The following SMO variants were observed in gnomAD, a reference collection of about 807,000 sequenced individuals.
SMO encodes the protein protein smoothened.
A neutral mutation model predicts 81.6 loss-of-function variants in SMO; 40 were observed. That is an observed-to-expected ratio of 0.49 (90% confidence interval 0.38 to 0.64). The LOEUF (loss-of-function observed/expected upper bound fraction) is 0.64, where lower values mean the gene tolerates loss of function less well. SMO is among the 30% of genes least tolerant of loss of function. The probability of loss-of-function intolerance (pLI) is 0.00; values close to 1 mark genes in which losing one functional copy is unlikely to be tolerated. For synonymous variants in SMO, 434 were observed against 432.1 expected, an observed-to-expected ratio of 1.00 and a Z score of -0.05; for missense variants, 916 against 1,061.1, an observed-to-expected ratio of 0.86 and a Z score of 1.90.
chr7:129,204,473 C>A (rs199759293), intron 2 of SMO, among the ~76,000 whole-genome samples: 1 of 151,632 alleles, frequency 6.6e-6, no homozygotes, highest in Non-Finnish European at 1.5e-5. Flanking sequence ...GGTGAAACTC[C>A]GTCTCTACTA....
chr7:129,204,571 G>A (rs908257241), intron 2 of SMO, among the ~76,000 whole-genome samples: 9 of 152,052 alleles, frequency 5.9e-5, no homozygotes, highest in African/African-American at 1.9e-4. Flanking sequence ...GCTTGAACCC[G>A]GGAGGTGGAG....
At chr7:129,193,785 A>AATATATATATATAT (rs71526088) in intron 1 of SMO, among the ~76,000 whole-genome samples, 27 of 26,356 alleles carry the variant, frequency 1.0e-3, no homozygotes, top group South Asian at 4.1e-3. Flanking sequence ...AAAAAAAAAA[A>AATATATATATATAT]ATATATATAT....
At chr7:129,202,944 C>T (rs150399091) in intron 1 of SMO, among the ~76,000 whole-genome samples, 172 of 152,304 alleles carry the variant, frequency 1.1e-3, no homozygotes, top group African/African-American at 4.0e-3. Context: ...CAGAATAGCG[C>T]ACAGATCATG....
rs71526088 is a variant in SMO, at chr7:129,193,785, AATATATATATATAT to A, written c.331+4322_331+4335del. 9.9e-4 allele frequency among the ~76,000 whole-genome samples: 26 copies of A among 26,356 alleles called. 1 individual carries two copies. Among genetic ancestry groups the A allele is most frequent in the African/African-American group, 2.9e-3 (17 of 5,906 alleles). The allele number at this position is 26,356 out of a possible 152,430, so 17.3% of individuals were successfully genotyped here. A position where few individuals can be genotyped will look rare whatever the true frequency, so the allele number is the denominator to read the frequency against. On this transcript the variant is annotated intron_variant, in intron 1 of 11. Transcript: ENST00000249373. ...AAAAAAAAAAAAAAAAAAAAAAAAA[AATATATATATATAT>A]ATATATATATATATATATGTATAGG...
rs570242755 is a variant in SMO, at chr7:129,189,198, GGCT to G, written c.67_69del (p.Leu23del). ...CGGGGGCCGGAGCTCCCGCTCCTGG[GGCT>G]GCTGCTGCTGCTGCTGCTGGGGGAC... On this transcript the variant is annotated inframe_deletion, in exon 1 of 12. Coordinates refer to ENST00000249373, the MANE Select transcript of SMO (RefSeq NM_005631.5). This position sits in a 1 kb window ranked among gnomAD's most constrained non-coding sequence, Gnocchi z 4.7. 1,963 of 1,137,570 alleles carry G rather than the reference GGCT, an allele frequency of 1.7e-3. No individual in the cohort carries two copies. Among genetic ancestry groups the G allele is most frequent in the South Asian group, 2.6e-3 (61 of 23,616 alleles). The allele number at this position is 1,137,570 out of a possible 1,614,324, so 70.5% of individuals were successfully genotyped here.
At position 129,189,189 on chromosome 7, in the gene SMO, C is replaced by G. The variant is rs1159103336; in HGVS notation, c.38C>G (p.Pro13Arg). Residue 13 changes from proline (P) to arginine (R), a missense_variant, in exon 1 of 12, where the codon CCG becomes CGG. This residue lies in a region of SMO where 146 missense variants were observed against 149.9 expected (regional missense o/e 0.97). Coordinates refer to ENST00000249373, the MANE Select transcript of SMO (RefSeq NM_005631.5). This position sits in a 1 kb window ranked among gnomAD's most constrained non-coding sequence, Gnocchi z 4.7. ...CGCCCAGCGCGGGGGCCGGAGCTCC[C>G]GCTCCTGGGGCTGCTGCTGCTGCTG... ...AARPARGPEL[P>R]LLGLLLLLLL... The G allele has an allele frequency of 1.7e-6, 2 of 1,164,348 alleles. No homozygotes were observed. Among genetic ancestry groups the G allele is most frequent in the East Asian group, 3.3e-5 (1 of 29,988 alleles). The allele number at this position is 1,164,348 out of a possible 1,614,324, so 72.1% of individuals were successfully genotyped here. A position where few individuals can be genotyped will look rare whatever the true frequency, so the allele number is the denominator to read the frequency against.
chr7:129,197,959 A>T (rs1250362078), intron 1 of SMO, among the ~76,000 whole-genome samples: 1 of 152,164 alleles, frequency 6.6e-6, no homozygotes, highest in Non-Finnish European at 1.5e-5. Flanking sequence ...TTCATATTTT[A>T]TTAAAATAAA....
At position 129,205,748 on chromosome 7, in the gene SMO, C is replaced by G. The variant is rs372843274; in HGVS notation, c.886C>G (p.Arg296Gly). The change falls in exon 4 of 12, where the codon CGT (arginine) becomes GGT (glycine). Residue 296 changes from arginine (R) to glycine (G), a missense_variant. Physicochemically the swap from Arg to Gly is moderately radical, Grantham distance 125. Around this residue, in one of 4 missense-constraint regions of SMO, gnomAD observed 436 missense variants for 570.9 expected, o/e 0.76. Coordinates refer to ENST00000249373, the MANE Select transcript of SMO (RefSeq NM_005631.5). The part of the protein sequence containing the change: ...MDGARREIVC[R>G]ADGTMRLGEP... ...TGGTGCCCGCCGAGAGATCGTCTGC[C>G]GTGCAGATGGCACCATGAGGCTTGG... The G allele has an allele frequency of 6.2e-7, 1 of 1,609,676 alleles. No homozygotes were observed. Among genetic ancestry groups the G allele is most frequent in the Non-Finnish European group, 8.5e-7 (1 of 1,179,958 alleles).
At chr7:129,194,137 T>TAC (rs1290099104) in intron 1 of SMO, among the ~76,000 whole-genome samples, 9 of 151,508 alleles carry the variant, frequency 5.9e-5, no homozygotes, top group East Asian at 1.9e-4. Flanking sequence ...TGTGTATGTA[T>TAC]ACACACACAC....
At chr7:129,190,086 T>G in intron 1 of SMO, among the ~76,000 whole-genome samples, 1 of 152,150 alleles carries the variant, frequency 6.6e-6, no homozygotes, top group East Asian at 1.9e-4. Context: ...CACGGGAGAT[T>G]TCATTCAGTT....
At chr7:129,205,838 G>T (rs944404833) in intron 4 of SMO, 56 bp downstream of exon 4, 8 of 1,529,116 alleles carry the variant, frequency 5.2e-6, no homozygotes, top group Non-Finnish European at 7.1e-6. Context: ...TGAAGTGTGC[G>T]TTTACCCCAA....
rs1793771742 is a variant in SMO at position 129,206,685 on chromosome 7, A to C, written c.1264+98A>C. On this transcript the variant is annotated intron_variant, in intron 6 of 11. Coordinates refer to ENST00000249373, the MANE Select transcript of SMO (RefSeq NM_005631.5). This position sits in a 1 kb window ranked among gnomAD's most constrained non-coding sequence, Gnocchi z 4.4. Reference sequence around the variant, plus strand: ...GCCAGCACGGCTGCCCCCATGCTGAAACCCCAGCTAGCTCCTATAGGGCCT... The same window carrying C: ...GCCAGCACGGCTGCCCCCATGCTGACACCCCAGCTAGCTCCTATAGGGCCT... The C allele has an allele frequency of 7.5e-7, 1 of 1,335,538 alleles. No individual in the cohort carries two copies. The highest frequency in any genetic ancestry group is 1.0e-6 in the Non-Finnish European group (1 of 963,066). 82.7% of individuals were successfully genotyped at this position (1,335,538 alleles called of 1,614,324 possible). A position where few individuals can be genotyped will look rare whatever the true frequency, so the allele number is the denominator to read the frequency against.
chr7:129,201,661 CTG>C (rs989121312), intron 1 of SMO, among the ~76,000 whole-genome samples: 1 of 151,958 alleles, frequency 6.6e-6, no homozygotes, highest in Non-Finnish European at 1.5e-5. Flanking sequence ...TTTCTGGTGA[CTG>C]TTTTTGGGTT....
At position 129,205,403 on chromosome 7, in the gene SMO, C is replaced by T. The variant is rs1793747280; in HGVS notation, c.738C>T (p.Leu246=). The part of the protein sequence containing the change: ...AFGAVTGLCT[L]FTLATFVADW... ...GGGCCGTCACGGGCCTCTGCACGCTCTTCACCCTGGTCAGCCGCGGGAGGG... is the reference window on the plus strand; with the variant it reads ...GGGCCGTCACGGGCCTCTGCACGCTTTTCACCCTGGTCAGCCGCGGGAGGG... Residue 246 remains leucine (L), a synonymous_variant, in exon 3 of 12, where the codon CTC becomes CTT. Coordinates refer to ENST00000249373, the MANE Select transcript of SMO (RefSeq NM_005631.5). 1.2e-6 allele frequency: 2 copies of T among 1,609,806 alleles called. No homozygotes were observed. The highest frequency in any genetic ancestry group is 1.7e-6 in the Non-Finnish European group (2 of 1,177,992).
Position 129,211,028 on chromosome 7 carries a change from C to G in SMO, c.1716C>G (p.Ala572=), listed in dbSNP as rs2150654677. The G allele has an allele frequency of 6.2e-7, 1 of 1,614,046 alleles. No individual in the cohort carries two copies. The highest frequency in any genetic ancestry group is 1.3e-5 in the African/African-American group (1 of 75,062). ...RIKKSKMIAK[A]FSKRHELLQN... is the part of the protein sequence containing the mutation. ...AGAAGAGCAAGATGATTGCCAAGGC[C>G]TTCTCTAAGCGGCACGAGCTCCTGC... Residue 572 remains alanine, a synonymous_variant, in exon 10 of 12, where the codon GCC becomes GCG. Transcript: ENST00000249373. This position sits in a 1 kb window ranked among gnomAD's most constrained non-coding sequence, Gnocchi z 4.6.
In SMO at chr7:129,213,434, CAT is replaced by C; in HGVS notation, c.*984_*985del. On this transcript the variant is annotated 3_prime_UTR_variant, in exon 12 of 12. Transcript: ENST00000249373. ...ATTCCCACCTTCCATAGCCTCCAAACATGTTCCCAAGGCCCCACTTTCAAGAA... is the reference window on the plus strand; with the variant it reads ...ATTCCCACCTTCCATAGCCTCCAAACGTTCCCAAGGCCCCACTTTCAAGAA... 1 of 233,180 alleles carries C rather than the reference CAT, an allele frequency of 4.3e-6. No homozygotes were observed. The highest frequency in any genetic ancestry group is 8.5e-6 in the Non-Finnish European group (1 of 117,778). The allele number at this position is 233,180 out of a possible 1,614,324, so 14.4% of individuals were successfully genotyped here.
chr7:129,207,897 G>A (rs994036131), intron 6 of SMO, among the ~76,000 whole-genome samples: 4 of 149,950 alleles, frequency 2.7e-5, no homozygotes, highest in Admixed American at 6.7e-5. Flanking sequence ...TGTCTCCAAA[G>A]AAAACAAGAC....
intron 2 of SMO, 104 bp from the exon 3 acceptor site, chr7:129,205,099 G>A: frequency 2.1e-6 from 2 of 952,926 alleles, no homozygotes; most frequent in South Asian, 1.4e-5. Context: ...GGTCCTGGAA[G>A]TGTATCTCCA....
Position 129,206,111 on chromosome 7 carries a change from G to C in SMO, c.921-39G>C, listed in dbSNP as rs540004196. On this transcript the variant is annotated intron_variant, in intron 4 of 11. Transcript: ENST00000249373. The surrounding 1 kb of genome is among the most constrained non-coding windows in gnomAD (Gnocchi z 4.4). ...GGGGAGACCAGGTAGAGGGAGTACAGAGTGACCGCCTCAAGTGACACCTCA... is the reference window on the plus strand; with the variant it reads ...GGGGAGACCAGGTAGAGGGAGTACACAGTGACCGCCTCAAGTGACACCTCA... 6.8e-7 allele frequency: 1 copy of C among 1,480,544 alleles called. No individual in the cohort carries two copies. The highest frequency in any genetic ancestry group is 1.8e-5 in the Admixed American group (1 of 56,110). 91.7% of individuals were successfully genotyped at this position (1,480,544 alleles called of 1,614,324 possible). A position where few individuals can be genotyped will look rare whatever the true frequency, so the allele number is the denominator to read the frequency against.
Sources: gnomAD v4.1 joint callset for allele counts (sites outside exome capture counted in the v4.1 genomes callset) on GRCh38, gnomAD v4.1.1 for gene constraint, gnomAD v4.1.1 regional missense constraint, Gnocchi (gnomAD v3.1) non-coding constraint, MANE v1.5 for transcripts, NCBI Gene and HGNC (gene_info 2026-07-23, HGNC 2026-07-21) for gene names.